Variants in PALLD observed in about 807,000 individuals in gnomAD.
The protein encoded by PALLD is palladin.
In PALLD, 61 loss-of-function variants were observed where a neutral mutation model predicts 123.5. That is an observed-to-expected ratio of 0.49 (90% CI 0.40 to 0.61). The LOEUF (loss-of-function observed/expected upper bound fraction) is 0.61, where lower values mean the gene tolerates loss of function less well. Among genes scored for constraint, PALLD ranks in the 20% least tolerant of loss-of-function variants. The probability of loss-of-function intolerance (pLI) is 0.00; values close to 1 mark genes in which losing one functional copy is unlikely to be tolerated. For synonymous variants in PALLD, 465 were observed against 496.4 expected (o/e 0.94, Z 0.84); for missense variants, 1,273 against 1,377.0 (o/e 0.92, Z 1.20).
chr4:168,628,809 T>C (rs576564141), intron 2 of PALLD, among the ~76,000 whole-genome samples: 1 of 152,176 alleles, frequency 6.6e-6, no homozygotes, highest in East Asian at 1.9e-4. Context: ...GCCCAAGATA[T>C]AAATGCCAAG....
At chr4:168,815,918 T>G (rs1741844221) in intron 10 of PALLD, among the ~76,000 whole-genome samples, 1 of 152,232 alleles carries the variant, frequency 6.6e-6, no homozygotes, top group Non-Finnish European at 1.5e-5. Context: ...GGAAAATCGC[T>G]CACTCTTAAT....
At chr4:168,701,798 G>A (rs1396250339) in intron 8 of PALLD, among the ~76,000 whole-genome samples, 1 of 152,184 alleles carries the variant, frequency 6.6e-6, no homozygotes, top group East Asian at 1.9e-4. Context: ...AGATAGTCCA[G>A]GGACGTAAGC....
rs189684986 is a variant in PALLD, at chr4:168,635,247, A to C, written c.909-32943A>C. Among the ~76,000 whole-genome samples, 199 of 152,298 alleles carry C rather than the reference A, an allele frequency of 1.3e-3. 2 individuals carry two copies. The highest frequency in any genetic ancestry group is 6.8e-3 in the Middle Eastern group (2 of 294). On this transcript the variant is annotated intron_variant, in intron 2 of 21. Transcript: ENST00000505667. The stretch of plus-strand genomic sequence containing the variant: ...GGGTTCAATATACCCTACGATTAAT[A>C]ATGGGGCCAAATAAAGCATGGTCGA...
In PALLD at chr4:168,683,054, C is replaced by G. The variant is rs1304151546; in HGVS notation, c.1211C>G (p.Thr404Arg). Residue 404 changes from threonine to arginine, a missense_variant, in exon 5 of 22, where the codon ACA becomes AGA. Physicochemically the swap from Thr to Arg is moderately conservative, Grantham distance 71. Coordinates refer to ENST00000505667, the MANE Select transcript of PALLD (RefSeq NM_001166108.2). ...ACAATAGGATCATCATCTCCAAAGA[C>G]AGGGGTGACCACAGCTGTGATTCAA... is the stretch of plus-strand genomic sequence containing the variant. ...SLTIGSSSPKTGVTTAVIQPL... is the reference protein window; with the variant it reads ...SLTIGSSSPKRGVTTAVIQPL... The G allele has an allele frequency of 1.9e-6, 3 of 1,612,866 alleles. No homozygotes were observed. The highest frequency in any genetic ancestry group is 2.2e-5 in the East Asian group (1 of 44,884).
At chr4:168,612,016 C>T (rs12505158) in intron 2 of PALLD, among the ~76,000 whole-genome samples, 23,274 of 152,044 alleles carry the variant, frequency 0.15, 1,988 homozygotes, top group East Asian at 0.26. Flanking sequence ...AAATATTAGC[C>T]AGGTGTGGTG....
At chr4:168,815,678 G>A (rs1228784117) in intron 10 of PALLD, among the ~76,000 whole-genome samples, 1 of 152,200 alleles carries the variant, frequency 6.6e-6, no homozygotes, top group Non-Finnish European at 1.5e-5. Context: ...ATAAAGGTTG[G>A]TTGGAGCGGA....
intron 10 of PALLD, chr4:168,832,681 A>C (rs1350408346): frequency 6.6e-6 from 1 of 151,140 alleles, no homozygotes; most frequent in Non-Finnish European, 1.5e-5. Context: ...CCCCGACCTG[A>C]GCCGAGCCCT....
intron 8 of PALLD, among the ~76,000 whole-genome samples, chr4:168,701,406 T>A: frequency 6.6e-6 from 1 of 152,222 alleles, no homozygotes; most frequent in East Asian, 1.9e-4. Context: ...CATGGAAGGA[T>A]GGGAGGATGA....
rs147496299 is a variant in PALLD at position 168,659,550 on chromosome 4, T to C, written c.909-8640T>C. ...AGAAATGGAGAGACATCTTTCAACA[T>C]AACCTTGTTTCCCCTTGAGCATAAA... On this transcript the variant is annotated intron_variant, in intron 2 of 21. Coordinates refer to ENST00000505667, the MANE Select transcript of PALLD (RefSeq NM_001166108.2). Among the ~76,000 whole-genome samples, 5 of 152,332 alleles carry C rather than the reference T, an allele frequency of 3.3e-5. No individual in the cohort carries two copies. The East Asian group carries it at 9.6e-4, about 29-fold the overall frequency.
chr4:168,801,305 G>C (rs1477519430), intron 10 of PALLD, among the ~76,000 whole-genome samples: 1 of 152,210 alleles, frequency 6.6e-6, no homozygotes, highest in Non-Finnish European at 1.5e-5. Flanking sequence ...CTGAGATGGA[G>C]TCTCACTCTC....
intron 10 of PALLD, among the ~76,000 whole-genome samples, chr4:168,772,018 C>T (rs1404619923): frequency 6.6e-6 from 1 of 152,128 alleles, no homozygotes; most frequent in East Asian, 1.9e-4. Context: ...CACAGGTATA[C>T]TCTATCCATT....
intron 10 of PALLD, among the ~76,000 whole-genome samples, chr4:168,780,427 T>A (rs17614715): frequency 0.53 from 80,302 of 152,100 alleles, 22,220 homozygotes; most frequent in Non-Finnish European, 0.63. Flanking sequence ...CCTAGCTTTA[T>A]GAAAAATGAG....
chr4:168,694,982 C>G (rs1187205064), intron 8 of PALLD, among the ~76,000 whole-genome samples: 2 of 152,186 alleles, frequency 1.3e-5, no homozygotes, highest in African/African-American at 4.8e-5. Context: ...AATACTCAGT[C>G]TCTTACTCAC....
intron 10 of PALLD, among the ~76,000 whole-genome samples, chr4:168,855,743 T>C (rs890447827): frequency 5.9e-5 from 9 of 152,250 alleles, no homozygotes; most frequent in African/African-American, 1.9e-4. Context: ...CCGTCCTGAA[T>C]ACTAATAGCT....
chr4:168,895,861 G>A (rs538911468), intron 12 of PALLD, among the ~76,000 whole-genome samples: 155 of 152,286 alleles, frequency 1.0e-3, no homozygotes, highest in African/African-American at 3.4e-3. Flanking sequence ...CTTCAACTTA[G>A]TATGGGGTTA....
Position 168,771,085 on chromosome 4 carries a change from A to AAAAAAAC in PALLD, c.1964+59163_1964+59164insAAAAACA, listed in dbSNP as rs1195167673. On this transcript the variant is annotated intron_variant, in intron 10 of 21. Coordinates refer to ENST00000505667, the MANE Select transcript of PALLD (RefSeq NM_001166108.2). Reference sequence around the variant, plus strand: ...CTCAAAAAAAAAAAAACAAAAAAAAAACCTTAGTTTCTGAAACCCATAATG... The same window carrying AAAAAAAC: ...CTCAAAAAAAAAAAAACAAAAAAAAAAAAAAACACCTTAGTTTCTGAAACCCATAATG... 2.1e-3 allele frequency among the ~76,000 whole-genome samples: 314 copies of AAAAAAAC among 149,578 alleles called. 6 individuals are homozygous for AAAAAAAC. Among genetic ancestry groups the AAAAAAAC allele is most frequent in the African/African-American group, 7.2e-3 (289 of 40,366 alleles).
intron 2 of PALLD, among the ~76,000 whole-genome samples, chr4:168,592,712 T>C (rs553164162): frequency 6.7e-6 from 1 of 148,292 alleles, no homozygotes; most frequent in African/African-American, 2.5e-5. Flanking sequence ...CTCCTATAGA[T>C]GTAGTCATTT....
At chr4:168,880,465 A>G (rs1752460340) in intron 10 of PALLD, among the ~76,000 whole-genome samples, 1 of 152,194 alleles carries the variant, frequency 6.6e-6, no homozygotes, top group African/African-American at 2.4e-5. Flanking sequence ...TTTTGTCCTC[A>G]AGGAATTTTC....
At chr4:168,587,783 C>T (rs1343957497) in intron 2 of PALLD, among the ~76,000 whole-genome samples, 5 of 152,262 alleles carry the variant, frequency 3.3e-5, no homozygotes, top group Middle Eastern at 3.4e-3. Flanking sequence ...AGAGAACTCT[C>T]CTGCCATCCC....
Sources: gnomAD v4.1 joint callset for allele counts (sites outside exome capture counted in the v4.1 genomes callset) on GRCh38, gnomAD v4.1.1 for gene constraint, MANE v1.5 for transcripts, NCBI Gene and HGNC (gene_info 2026-07-23, HGNC 2026-07-21) for gene names.